Variants in VIP observed in about 807,000 individuals in gnomAD.
VIP encodes the protein VIP peptides.
Under a neutral mutation model 20.1 loss-of-function variants are expected in VIP, and 18 were observed. The observed-to-expected ratio is 0.90, with a 90% confidence interval of 0.62 to 1.33. VIP has a LOEUF of 1.33. Among genes scored for constraint, VIP ranks in the 40% most tolerant of loss-of-function variants. The pLI is 0.00. For missense variants in VIP, 209 were observed against 199.4 expected (o/e 1.05, Z -0.29); for synonymous variants, 70 against 68.1 (o/e 1.03, Z -0.14).
rs769182172 is a variant in VIP at position 152,754,280 on chromosome 6, T to C, written c.222T>C (p.Asp74=). The part of the protein sequence containing the change: ...ALAENDTPYY[D]VSRNARHADG... ...CTGAAAATGACACACCCTATTATGATGTATCCAGGTGAGTTTATTTTTATA... is the reference window on the plus strand; with the variant it reads ...CTGAAAATGACACACCCTATTATGACGTATCCAGGTGAGTTTATTTTTATA... The change falls in exon 3 of 7, where the codon GAT becomes GAC. Residue 74 remains aspartate, a synonymous_variant. Transcript: ENST00000367244. The C allele has an allele frequency of 1.3e-6, 2 of 1,593,666 alleles. No individual in the cohort carries two copies. Among genetic ancestry groups the C allele is most frequent in the Non-Finnish European group, 1.7e-6 (2 of 1,172,180 alleles).
rs1215580706 is a variant in VIP, at chr6:152,756,124, T to A, written c.336-10T>A. 6.5e-7 allele frequency: 1 copy of A among 1,528,370 alleles called. No homozygotes were observed. The highest frequency in any genetic ancestry group is 2.1e-5 in the Admixed American group (1 of 48,134). The allele number at this position is 1,528,370 out of a possible 1,614,324, so 94.7% of individuals were successfully genotyped here. ...AAACTCTTTGATTTCCTTTTCCTCA[T>A]GTTCCTTAGCAGTAACATCTCAGAA... On this transcript the variant is annotated splice_polypyrimidine_tract_variant and intron_variant, in intron 4 of 6. Coordinates refer to ENST00000367244, the MANE Select transcript of VIP (RefSeq NM_003381.4).
At chr6:152,757,053 C>T in intron 5 of VIP, 43 bp from the exon 6 acceptor site, 4 of 1,598,808 alleles carry the variant, frequency 2.5e-6, no homozygotes, top group Non-Finnish European at 3.4e-6. Flanking sequence ...GACCCTTTCT[C>T]ATCTGAGAGC....
chr6:152,751,017 C>T (rs939008973), intron 1 of VIP, 58 bp downstream of exon 1: 3 of 152,156 alleles, frequency 2.0e-5, no homozygotes, highest in African/African-American at 7.2e-5. Context: ...GAACTTTTCT[C>T]ACAAAATAAT....
chr6:152,756,404 C>CGG lies in VIP; in HGVS notation c.467+139_467+140insGG. ...ATTTTCAACCTTGGCTGACATTAGA[C>CGG]TACCCCGCAGAACTTTAAAAATACA... On this transcript the variant is annotated intron_variant, in intron 5 of 6. Transcript: ENST00000367244. 3.0e-6 allele frequency: 3 copies of CGG among 1,008,446 alleles called. No individual in the cohort carries two copies. The South Asian group carries it at 6.1e-5, about 21-fold the overall frequency. The allele number at this position is 1,008,446 out of a possible 1,614,324, so 62.5% of individuals were successfully genotyped here. A position where few individuals can be genotyped will look rare whatever the true frequency, so the allele number is the denominator to read the frequency against.
intron 2 of VIP, among the ~76,000 whole-genome samples, 198 bp downstream of exon 2, chr6:152,752,482 C>A (rs2099729792): frequency 6.6e-6 from 1 of 152,064 alleles, no homozygotes. Flanking sequence ...GCATGAGAGA[C>A]ACTGTCAGTT....
chr6:152,752,979 G>C (rs1395874614), intron 2 of VIP, among the ~76,000 whole-genome samples: 1 of 152,018 alleles, frequency 6.6e-6, no homozygotes, highest in African/African-American at 2.4e-5. Context: ...AACTATATTA[G>C]CTTGAATTTT....
intron 1 of VIP, 55 bp from the exon 2 acceptor site, chr6:152,752,113 T>C: frequency 7.7e-7 from 1 of 1,305,606 alleles, no homozygotes; most frequent in Admixed American, 1.7e-5. Context: ...CAATCAGAAT[T>C]ACCTTGCTGG....
intron 1 of VIP, among the ~76,000 whole-genome samples, chr6:152,751,543 A>G (rs1317324641): frequency 1.3e-5 from 2 of 152,172 alleles, no homozygotes; most frequent in Non-Finnish European, 1.5e-5. Flanking sequence ...CAATGACAAC[A>G]TATGATTCAG....
chr6:152,756,277 G>A lies in VIP; in HGVS notation c.467+12G>A. On this transcript the variant is annotated intron_variant, in intron 5 of 6. Transcript: ENST00000367244. The stretch of plus-strand genomic sequence containing the variant: ...AATGGAAAGAGGAGGTAAAGAAAAA[G>A]AGAACTTGCTAAAATGAGGAATCAT... The A allele has an allele frequency of 6.2e-7, 1 of 1,601,484 alleles. No individual in the cohort carries two copies. Among genetic ancestry groups the A allele is most frequent in the Non-Finnish European group, 8.5e-7 (1 of 1,175,002 alleles).
At chr6:152,757,701 G>T (rs1469622697) in intron 6 of VIP, among the ~76,000 whole-genome samples, 2 of 151,916 alleles carry the variant, frequency 1.3e-5, no homozygotes, top group South Asian at 4.2e-4. Flanking sequence ...ACTTCATAGA[G>T]CAAAAGTTAA....
intron 6 of VIP, among the ~76,000 whole-genome samples, 177 bp from the exon 7 acceptor site, chr6:152,758,733 T>G (rs901162087): frequency 1.1e-4 from 17 of 152,028 alleles, no homozygotes; most frequent in Non-Finnish European, 2.2e-4. Context: ...TCTCTGATAA[T>G]CAGTCCTCTA....
chr6:152,755,404 T>C (rs949838842), intron 4 of VIP, 31 bp downstream of exon 4: 3 of 1,314,118 alleles, frequency 2.3e-6, no homozygotes, highest in South Asian at 1.5e-5. Context: ...TTATAAAATA[T>C]GTTATCATTA....
At chr6:152,755,190 TTTG>T (rs2099730237) in intron 3 of VIP, 76 bp from the exon 4 acceptor site, 6 of 886,172 alleles carry the variant, frequency 6.8e-6, no homozygotes, top group African/African-American at 5.3e-5. Flanking sequence ...CCATAATTTT[TTTG>T]TTATTTAATA....
intron 6 of VIP, 122 bp downstream of exon 6, chr6:152,757,306 C>T: frequency 3.2e-6 from 2 of 623,746 alleles, no homozygotes; most frequent in Non-Finnish European, 5.5e-6. Flanking sequence ...AGACCTCATC[C>T]AAGACAGACA....
chr6:152,758,265 A>T (rs1334259859), intron 6 of VIP, among the ~76,000 whole-genome samples: 1 of 151,972 alleles, frequency 6.6e-6, no homozygotes, highest in Non-Finnish European at 1.5e-5. Context: ...TAAGGTTTTC[A>T]ACAGTCATCA....
rs577746887 is a variant in VIP at position 152,754,047 on chromosome 6, T to C, written c.108-119T>C. On this transcript the variant is annotated intron_variant, in intron 2 of 6. Coordinates refer to ENST00000367244, the MANE Select transcript of VIP (RefSeq NM_003381.4). The stretch of plus-strand genomic sequence containing the variant: ...ATTAAGTCAAATTATGCTATTCTCA[T>C]ATTATGACTGGGTAATACTTCCCAA... 9.3e-5 allele frequency: 105 copies of C among 1,128,112 alleles called. 4 individuals carry two copies. In the South Asian group the frequency reaches 1.8e-3, roughly 19 times the overall value. 69.9% of individuals were successfully genotyped at this position (1,128,112 alleles called of 1,614,324 possible). A position where few individuals can be genotyped will look rare whatever the true frequency, so the allele number is the denominator to read the frequency against.
At position 152,752,153 on chromosome 6, in the gene VIP, A is replaced by T. The variant is rs757031392; in HGVS notation, c.-10-15A>T. 5.6e-6 allele frequency: 9 copies of T among 1,595,730 alleles called. No homozygotes were observed. In the South Asian group the frequency reaches 6.6e-5, roughly 12 times the overall value. The stretch of plus-strand genomic sequence containing the variant: ...ATCTTTGGCTGGAAGAACTGAGGTG[A>T]TTCTCTCTCTTTAGAGGCACAGAAA... On this transcript the variant is annotated splice_polypyrimidine_tract_variant and intron_variant, in intron 1 of 6. Transcript: ENST00000367244.
intron 6 of VIP, 135 bp downstream of exon 6, chr6:152,757,319 T>C: frequency 1.7e-6 from 1 of 595,492 alleles, no homozygotes; most frequent in South Asian, 2.4e-5. Context: ...GACAGACACT[T>C]CTACAACAGT....
At chr6:152,756,313 C>A in intron 5 of VIP, 48 bp downstream of exon 5, 1 of 1,574,108 alleles carries the variant, frequency 6.4e-7, no homozygotes, top group Non-Finnish European at 8.6e-7. Context: ...GACTGACTTT[C>A]AAAATAGAAG....
Sources: allele counts gnomAD v4.1 joint callset (sites outside exome capture counted in the v4.1 genomes callset), GRCh38; gene constraint gnomAD v4.1.1; transcripts MANE v1.5; gene names NCBI Gene and HGNC (gene_info 2026-07-23, HGNC 2026-07-21).